DPP10: variants seen among roughly 807,000 people sequenced by gnomAD.
The protein encoded by DPP10 is dipeptidyl peptidase like 10.
In DPP10, 33 loss-of-function variants were observed where a neutral mutation model predicts 120.9. The ratio of observed to expected loss-of-function variants is 0.27; its 90% CI spans 0.21 to 0.37. The LOEUF is 0.37. DPP10 is among the 10% of genes least tolerant of loss of function. The probability of loss-of-function intolerance (pLI) is 1.00; values close to 1 mark genes in which losing one functional copy is unlikely to be tolerated. For missense variants in DPP10, 816 were observed against 942.8 expected (o/e 0.87, Z 1.76); for synonymous variants, 337 against 326.1 (o/e 1.03, Z -0.36).
chr2:115,760,589 A>C (rs2149785451), intron 11 of DPP10, among the ~76,000 whole-genome samples: 1 of 152,316 alleles, frequency 6.6e-6, no homozygotes, highest in Middle Eastern at 3.4e-3. Flanking sequence ...GAGAGCCCTC[A>C]AGAGGCAGAC....
At chr2:114,765,563 C>T (rs771742527) in intron 1 of DPP10, among the ~76,000 whole-genome samples, 10 of 152,066 alleles carry the variant, frequency 6.6e-5, no homozygotes, top group East Asian at 1.9e-4. Context: ...CTACTACAGT[C>T]GGAAAAATCT....
At chr2:114,718,399 T>TGAAAAAAAA (rs1701492572) in intron 1 of DPP10, among the ~76,000 whole-genome samples, 1 of 71,038 alleles carries the variant, frequency 1.4e-5, no homozygotes, top group East Asian at 3.4e-4. Flanking sequence ...AGACTCTGTT[T>TGAAAAAAAA]GAAAAAAAAA....
chr2:115,364,702 C>T (rs1223954564), intron 3 of DPP10, among the ~76,000 whole-genome samples: 6 of 150,590 alleles, frequency 4.0e-5, no homozygotes, highest in Non-Finnish European at 8.8e-5. Flanking sequence ...GTTCCTAAAC[C>T]GAATTTTCTC....
rs183013440 is a variant in DPP10 at position 115,615,954 on chromosome 2, A to C, written c.442-73733A>C. 1.5e-4 allele frequency among the ~76,000 whole-genome samples: 23 copies of C among 152,316 alleles called. 1 individual carries two copies. The highest frequency in any genetic ancestry group is 1.5e-3 in the Admixed American group (23 of 15,300). ...TTAAACTGACCATTTCAAAAATTAG[A>C]AGTATTTTATCACTAATACAGATTT... is the stretch of plus-strand genomic sequence containing the variant. On this transcript the variant is annotated intron_variant, in intron 5 of 25. Coordinates refer to ENST00000410059, the MANE Select transcript of DPP10 (RefSeq NM_020868.6).
chr2:115,435,049 CACAT>C (rs1258719537), intron 3 of DPP10, among the ~76,000 whole-genome samples: 10 of 46,960 alleles, frequency 2.1e-4, no homozygotes, highest in Admixed American at 6.2e-4. Flanking sequence ...TACACATGCA[CACAT>C]ATATATATAT....
chr2:114,597,642 C>T (rs1692026562), intron 1 of DPP10, among the ~76,000 whole-genome samples: 1 of 151,958 alleles, frequency 6.6e-6, no homozygotes, highest in Non-Finnish European at 1.5e-5. Context: ...ATTTGGCTCT[C>T]CTCCATGAAT....
rs183088885 is a variant in DPP10 at position 115,434,480 on chromosome 2, C to T, written c.272-65030C>T. ...TAACAGATGTAATAATAAATGCATG[C>T]ACAGCATAGATTGGAGCAAATGGAA... On this transcript the variant is annotated intron_variant, in intron 3 of 25. Coordinates refer to ENST00000410059, the MANE Select transcript of DPP10 (RefSeq NM_020868.6). 2.3e-4 allele frequency among the ~76,000 whole-genome samples: 35 copies of T among 151,956 alleles called. No homozygotes were observed. The East Asian group carries it at 6.8e-3, about 29-fold the overall frequency.
At chr2:115,175,604 T>C (rs190623928) in intron 1 of DPP10, among the ~76,000 whole-genome samples, 14 of 152,322 alleles carry the variant, frequency 9.2e-5, no homozygotes, top group African/African-American at 3.1e-4. Context: ...AAAAAACTTA[T>C]TGAATAATTG....
chr2:115,330,952 A>G (rs2062689166), intron 2 of DPP10, among the ~76,000 whole-genome samples: 1 of 152,072 alleles, frequency 6.6e-6, no homozygotes, highest in Admixed American at 6.6e-5. Flanking sequence ...GTTTTTTCCA[A>G]TTCTGTGAAG....
chr2:115,747,428 C>G (rs1240279184), intron 10 of DPP10, among the ~76,000 whole-genome samples: 3 of 152,096 alleles, frequency 2.0e-5, no homozygotes, highest in Non-Finnish European at 2.9e-5. Flanking sequence ...ATACTATTGA[C>G]ATTTTATCTG....
chr2:115,448,949 G>A (rs1401173946), intron 3 of DPP10, among the ~76,000 whole-genome samples: 2 of 151,800 alleles, frequency 1.3e-5, no homozygotes, highest in African/African-American at 4.8e-5. Flanking sequence ...TTTAACTTGT[G>A]GTCTCTCATA....
intron 1 of DPP10, among the ~76,000 whole-genome samples, chr2:115,023,104 A>C (rs543503656): frequency 6.6e-6 from 1 of 152,268 alleles, no homozygotes; most frequent in South Asian, 2.1e-4. Context: ...AGACTTCATG[A>C]CCGGGAACTC....
chr2:115,348,562 A>G (rs185604138), intron 3 of DPP10, among the ~76,000 whole-genome samples: 28 of 152,168 alleles, frequency 1.8e-4, no homozygotes, highest in Admixed American at 3.3e-4. Context: ...GTATCCTGCA[A>G]CGTTAGCACT....
intron 1 of DPP10, among the ~76,000 whole-genome samples, chr2:114,982,071 T>G (rs547382314): frequency 6.6e-6 from 1 of 152,184 alleles, no homozygotes; most frequent in African/African-American, 2.4e-5. Flanking sequence ...ATTTTTGTCT[T>G]TTTTGGTAGA....
At chr2:114,817,324 A>G (rs959685295) in intron 1 of DPP10, among the ~76,000 whole-genome samples, 2 of 151,046 alleles carry the variant, frequency 1.3e-5, no homozygotes, top group Non-Finnish European at 2.9e-5. Flanking sequence ...AAAGGCTCAC[A>G]TGAAAGGATT....
At chr2:115,511,500 T>C (rs532346835) in intron 4 of DPP10, among the ~76,000 whole-genome samples, 1 of 151,976 alleles carries the variant, frequency 6.6e-6, no homozygotes, top group African/African-American at 2.4e-5. Context: ...TTTATTTTTC[T>C]TTTCAAGGAA....
intron 5 of DPP10, among the ~76,000 whole-genome samples, chr2:115,669,467 CA>C (rs998755696): frequency 1.1e-4 from 16 of 152,214 alleles, no homozygotes; most frequent in Admixed American, 4.6e-4. Flanking sequence ...AATACTTTCC[CA>C]AAATGTCTTA....
intron 7 of DPP10, among the ~76,000 whole-genome samples, chr2:115,691,065 T>C (rs2091287995): frequency 6.6e-6 from 1 of 152,212 alleles, no homozygotes; most frequent in African/African-American, 2.4e-5. Context: ...TTTGTATTTT[T>C]TCATATGTGA....
At position 114,808,682 on chromosome 2, in the gene DPP10, A is replaced by G. The variant is rs201882284; in HGVS notation, c.60+365844A>G. Among the ~76,000 whole-genome samples the G allele has an allele frequency of 1.3e-4, 19 of 151,886 alleles. No homozygotes were observed. In the East Asian group the frequency reaches 2.7e-3, roughly 22 times the overall value. On this transcript the variant is annotated intron_variant, in intron 1 of 25. Coordinates refer to ENST00000410059, the MANE Select transcript of DPP10 (RefSeq NM_020868.6). ...TCTGTGGACTTATCTTCACCTTGCC[A>G]TAAGGCTGCAGCCTCATGAGCCTCC... is the stretch of plus-strand genomic sequence containing the variant.
Sources: gnomAD v4.1 joint callset for allele counts (sites outside exome capture counted in the v4.1 genomes callset) on GRCh38, gnomAD v4.1.1 for gene constraint, MANE v1.5 for transcripts, NCBI Gene and HGNC (gene_info 2026-07-23, HGNC 2026-07-21) for gene names.